The following CTNNA2 variants were observed in gnomAD, a reference collection of about 807,000 sequenced individuals.
CTNNA2 encodes the protein catenin alpha 2, also known as catenin alpha-2.
In CTNNA2, 42 loss-of-function variants were observed where a neutral mutation model predicts 101.0. The observed-to-expected ratio is 0.42, with a 90% CI of 0.32 to 0.54. CTNNA2 has a LOEUF of 0.54. CTNNA2 is among the 20% of genes least tolerant of loss of function. The pLI is 0.14. For synonymous variants in CTNNA2, 450 were observed against 456.4 expected, an observed-to-expected ratio of 0.99 and a Z score of 0.18; for missense variants, 871 against 1,223.1, an observed-to-expected ratio of 0.71 and a Z score of 4.29.
chr2:80,282,687 G>A (rs1326747592), intron 7 of CTNNA2, among the ~76,000 whole-genome samples: 2 of 152,080 alleles, frequency 1.3e-5, no homozygotes, highest in African/African-American at 4.8e-5. Context: ...AAATATGTAT[G>A]TGTTTAATCA....
chr2:79,875,378 G>C (rs1262466188), intron 6 of CTNNA2, among the ~76,000 whole-genome samples: 1 of 152,200 alleles, frequency 6.6e-6, no homozygotes, highest in Admixed American at 6.5e-5. Context: ...TAACCCTGCA[G>C]GGGAGATGAG....
rs146887960 is a variant in CTNNA2, at chr2:80,408,305, G to A, written c.1138-11144G>A. Among the ~76,000 whole-genome samples the A allele has an allele frequency of 1.9e-4, 29 of 152,266 alleles. No homozygotes were observed. In the South Asian group the frequency reaches 2.1e-3, roughly 11 times the overall value. On this transcript the variant is annotated intron_variant, in intron 8 of 18. Transcript: ENST00000402739. Reference sequence around the variant, plus strand: ...TACCTGGTACCAATCCTACCACACCGTAACAGGTGTGTAGGATGGACCCCA... The same window carrying A: ...TACCTGGTACCAATCCTACCACACCATAACAGGTGTGTAGGATGGACCCCA...
At chr2:80,153,131 G>A (rs1387585471) in intron 7 of CTNNA2, among the ~76,000 whole-genome samples, 8 of 152,296 alleles carry the variant, frequency 5.3e-5, no homozygotes, top group South Asian at 2.1e-4. Flanking sequence ...CACGGAAAGC[G>A]TTGCCACTGA....
intron 3 of CTNNA2, among the ~76,000 whole-genome samples, chr2:79,781,301 T>A (rs1674406518): frequency 6.6e-6 from 1 of 151,978 alleles, no homozygotes; most frequent in African/African-American, 2.4e-5. Flanking sequence ...CCATCTTGGG[T>A]TTGGTGGGTT....
At chr2:80,461,568 T>C (rs1572947414) in intron 9 of CTNNA2, among the ~76,000 whole-genome samples, 1 of 152,316 alleles carries the variant, frequency 6.6e-6, no homozygotes, top group East Asian at 1.9e-4. Context: ...ATGTTTCTGT[T>C]TGTTTGACAA....
intron 7 of CTNNA2, among the ~76,000 whole-genome samples, chr2:80,369,276 T>G (rs2149330709): frequency 6.6e-6 from 1 of 152,200 alleles, no homozygotes; most frequent in Non-Finnish European, 1.5e-5. Flanking sequence ...TTTTCATATA[T>G]CTAAACGTTT....
At chr2:80,208,341 A>T (rs1462703139) in intron 7 of CTNNA2, among the ~76,000 whole-genome samples, 1 of 152,212 alleles carries the variant, frequency 6.6e-6, no homozygotes, top group Non-Finnish European at 1.5e-5. Context: ...GGATAAATAG[A>T]TGGGTGGATA....
intron 7 of CTNNA2, among the ~76,000 whole-genome samples, chr2:80,368,066 C>G (rs556489173): frequency 1.3e-5 from 2 of 152,186 alleles, no homozygotes; most frequent in Admixed American, 6.5e-5. Flanking sequence ...GAAAGATATT[C>G]CTGTGGTAGA....
At chr2:79,431,672 C>T (rs1400677553) in intron 4 of CTNNA2, among the ~76,000 whole-genome samples, 2 of 152,164 alleles carry the variant, frequency 1.3e-5, no homozygotes, top group Non-Finnish European at 2.9e-5. Flanking sequence ...GAAATGCAAT[C>T]TGCAATGCAC....
At chr2:79,352,855 A>G (rs986956555) in intron 3 of CTNNA2, among the ~76,000 whole-genome samples, 5 of 152,212 alleles carry the variant, frequency 3.3e-5, no homozygotes, top group Admixed American at 2.0e-4. Context: ...TCTGTGAGCT[A>G]TGCAGGCTTC....
chr2:80,169,047 G>T (rs904745995), intron 7 of CTNNA2, among the ~76,000 whole-genome samples: 1 of 152,206 alleles, frequency 6.6e-6, no homozygotes, highest in Non-Finnish European at 1.5e-5. Flanking sequence ...GGGCCACGGG[G>T]CCTGACCTTG....
chr2:79,532,708 T>A (rs1672818382), intron 1 of CTNNA2, among the ~76,000 whole-genome samples: 1 of 152,132 alleles, frequency 6.6e-6, no homozygotes, highest in Non-Finnish European at 1.5e-5. Flanking sequence ...ATCTGCTCTC[T>A]CAGTCTCTGT....
chr2:80,370,253 G>GGT (rs55674137), intron 7 of CTNNA2, among the ~76,000 whole-genome samples: 31,249 of 150,706 alleles, frequency 0.21, 3,312 homozygotes, highest in East Asian at 0.4. Flanking sequence ...ATATTTGAGT[G>GGT]GTGTGTGTGT....
At chr2:79,851,251 A>G (rs1157951244) in intron 3 of CTNNA2, among the ~76,000 whole-genome samples, 1 of 152,202 alleles carries the variant, frequency 6.6e-6, no homozygotes, top group Non-Finnish European at 1.5e-5. Flanking sequence ...AAATGAAGAT[A>G]TTTTCCCACC....
chr2:79,311,267 G>A (rs188701307), intron 2 of CTNNA2, among the ~76,000 whole-genome samples: 126 of 152,130 alleles, frequency 8.3e-4, no homozygotes, highest in Non-Finnish European at 1.5e-3. Flanking sequence ...AAATTAGCCC[G>A]GCGTGATGGC....
chr2:79,627,430 C>G (rs1288793114), intron 1 of CTNNA2, among the ~76,000 whole-genome samples: 2 of 152,168 alleles, frequency 1.3e-5, no homozygotes, highest in Non-Finnish European at 2.9e-5. Context: ...TGTAAATACC[C>G]AGCAGAGTGC....
At chr2:80,276,023 A>AATTT (rs1235918679) in intron 7 of CTNNA2, among the ~76,000 whole-genome samples, 1 of 152,174 alleles carries the variant, frequency 6.6e-6, no homozygotes, top group Non-Finnish European at 1.5e-5. Context: ...GGAGGGAAAT[A>AATTT]ATTTAGGCAA....
chr2:79,305,273 T>C (rs1676207821), intron 2 of CTNNA2, among the ~76,000 whole-genome samples: 1 of 150,620 alleles, frequency 6.6e-6, no homozygotes, highest in South Asian at 2.1e-4. Flanking sequence ...TATATATGCA[T>C]ATATGTAGAT....
intron 12 of CTNNA2, among the ~76,000 whole-genome samples, chr2:80,568,450 C>T (rs1275349354): frequency 1.3e-5 from 2 of 152,098 alleles, no homozygotes; most frequent in Non-Finnish European, 2.9e-5. Context: ...GGTTTAAATG[C>T]AAAGAATGAA....
Sources: gnomAD v4.1 joint callset for allele counts (sites outside exome capture counted in the v4.1 genomes callset) on GRCh38, gnomAD v4.1.1 for gene constraint, MANE v1.5 for transcripts, NCBI Gene and HGNC (gene_info 2026-07-23, HGNC 2026-07-21) for gene names.